The following SPTB variants were observed in gnomAD, a reference collection of about 807,000 sequenced individuals.
SPTB encodes spectrin beta chain, erythrocytic.
In SPTB, 45 loss-of-function variants were observed where a neutral mutation model predicts 256.2. The ratio of observed to expected loss-of-function variants is 0.18; its 90% CI spans 0.14 to 0.23. The LOEUF (loss-of-function observed/expected upper bound fraction) is 0.23, where lower values mean the gene tolerates loss of function less well. SPTB is among the 10% of genes least tolerant of loss of function. The probability of loss-of-function intolerance (pLI) is 1.00; values close to 1 mark genes in which losing one functional copy is unlikely to be tolerated. For missense variants in SPTB, 2,715 were observed against 3,040.4 expected (o/e 0.89, Z 2.52); for synonymous variants, 1,231 against 1,243.1 (o/e 0.99, Z 0.21).
chr14:64,755,830 A>G (rs1682025111), intron 32 of SPTB: 1 of 152,184 alleles, frequency 6.6e-6, no homozygotes, highest in South Asian at 2.1e-4. Context: ...CATGCTAAGG[A>G]GGGAAAGAAA....
intron 20 of SPTB, among the ~76,000 whole-genome samples, chr14:64,781,750 A>G (rs1280265478): frequency 6.6e-6 from 1 of 152,260 alleles, no homozygotes; most frequent in Admixed American, 6.5e-5. Flanking sequence ...TCTACCATAA[A>G]TACACATGTA....
chr14:64,844,552 A>G lies in SPTB; in HGVS notation c.-51-21407T>C, dbSNP rs2139760648. Among the ~76,000 whole-genome samples, 1 of 152,334 alleles carries G rather than the reference A, an allele frequency of 6.6e-6. No homozygotes were observed. Among genetic ancestry groups the G allele is most frequent in the African/African-American group, 2.4e-5 (1 of 41,574 alleles). Reference sequence around the variant, plus strand: ...TTAAGCTACTTGCCCAAAGTCACACAACTGTGAGAAGCCTGATGCCGGTCT... The same window carrying G: ...TTAAGCTACTTGCCCAAAGTCACACGACTGTGAGAAGCCTGATGCCGGTCT... On this transcript the variant is annotated intron_variant, in intron 1 of 35. Transcript: ENST00000644917. The surrounding 1 kb of genome is among the most constrained non-coding windows in gnomAD (Gnocchi z 4.1).
intron 1 of SPTB, among the ~76,000 whole-genome samples, chr14:64,851,037 T>C (rs999257597): frequency 3.3e-5 from 5 of 152,220 alleles, no homozygotes; most frequent in African/African-American, 7.2e-5. Context: ...GCCCAGATTA[T>C]ACAGAAATGT....
chr14:64,786,965 C>T lies in SPTB; in HGVS notation c.3000G>A (p.Leu1000=), dbSNP rs2082582203. Residue 1000 remains leucine (L), a synonymous_variant, in exon 16 of 36, where the codon CTG becomes CTA. Coordinates refer to ENST00000644917, the MANE Select transcript of SPTB (RefSeq NM_001355436.2). This position sits in a 1 kb window ranked among gnomAD's most constrained non-coding sequence, Gnocchi z 5.6. Reference sequence around the variant, plus strand: ...CCTGGATGGCGGCCACGTCACGCTCCAGCCCTGACAACTTCCTCTGGATGG... The same window carrying T: ...CCTGGATGGCGGCCACGTCACGCTCTAGCCCTGACAACTTCCTCTGGATGG... The part of the protein sequence containing the change: ...IIAIQRKLSG[L]ERDVAAIQAR... 1 of 1,613,948 alleles carries T rather than the reference C, an allele frequency of 6.2e-7. No individual in the cohort carries two copies. The highest frequency in any genetic ancestry group is 1.3e-5 in the African/African-American group (1 of 74,930).
Position 64,834,323 on chromosome 14 carries a change from C to T in SPTB, c.-51-11178G>A, listed in dbSNP as rs190252845. ...ATTACAGTTGTGAGCCACCGTGCCA[C>T]GCTCAACCACACATTGTTAACCACC... On this transcript the variant is annotated intron_variant, in intron 1 of 35. Coordinates refer to ENST00000644917, the MANE Select transcript of SPTB (RefSeq NM_001355436.2). Among the ~76,000 whole-genome samples, 240 of 151,018 alleles carry T rather than the reference C, an allele frequency of 1.6e-3. 2 individuals carry two copies. The highest frequency in any genetic ancestry group is 2.6e-3 in the Non-Finnish European group (178 of 67,670).
chr14:64,825,598 C>A lies in SPTB; in HGVS notation c.-51-2453G>T, dbSNP rs12587480. Reference sequence around the variant, plus strand: ...CCCTGAGAAGGGCTGAGCTGCCAGACGCAGGAGGTGAGGTGAGATCAGACC... The same window carrying A: ...CCCTGAGAAGGGCTGAGCTGCCAGAAGCAGGAGGTGAGGTGAGATCAGACC... On this transcript the variant is annotated intron_variant, in intron 1 of 35. Coordinates refer to ENST00000644917, the MANE Select transcript of SPTB (RefSeq NM_001355436.2). This position sits in a 1 kb window ranked among gnomAD's most constrained non-coding sequence, Gnocchi z 4.8. 2.0e-5 allele frequency among the ~76,000 whole-genome samples: 3 copies of A among 152,116 alleles called. No homozygotes were observed. Among genetic ancestry groups the A allele is most frequent in the Non-Finnish European group, 4.4e-5 (3 of 68,018 alleles).
chr14:64,785,865 A>G lies in SPTB; in HGVS notation c.3648T>C (p.Ser1216=). The change falls in exon 17 of 36, where the codon TCT becomes TCC. Residue 1216 remains serine, a synonymous_variant. Transcript: ENST00000644917. The surrounding 1 kb of genome is among the most constrained non-coding windows in gnomAD (Gnocchi z 4.4). ...GIRKFEDFLG[S]MENNRDKVLS... ...AGACCTTATCCCGGTTGTTCTCCAT[A>G]GACCCCAAGAAATCCTCAAACTTCC... is the stretch of plus-strand genomic sequence containing the variant. 1.2e-6 allele frequency: 2 copies of G among 1,614,122 alleles called. No individual in the cohort carries two copies. The highest frequency in any genetic ancestry group is 1.7e-6 in the Non-Finnish European group (2 of 1,180,014).
At chr14:64,801,949 C>T (rs2082894300) in intron 5 of SPTB, 115 bp from the exon 6 acceptor site, 1 of 1,109,066 alleles carries the variant, frequency 9.0e-7, no homozygotes, top group East Asian at 2.4e-5. Flanking sequence ...TTTCTTGAGC[C>T]AGGTCACCAA....
At chr14:64,803,811 G>A (rs1360451962) in intron 3 of SPTB, 31 bp from the exon 4 acceptor site, 28 of 1,580,228 alleles carry the variant, frequency 1.8e-5, no homozygotes, top group Non-Finnish European at 2.3e-5. Flanking sequence ...CCGTGGGCAT[G>A]GAGGGACTGC....
In SPTB at chr14:64,834,450, C is replaced by T. The variant is rs565575399; in HGVS notation, c.-51-11305G>A. Among the ~76,000 whole-genome samples the T allele has an allele frequency of 4.7e-3, 682 of 145,946 alleles. 5 individuals are homozygous for T. Among genetic ancestry groups the T allele is most frequent in the Non-Finnish European group, 4.5e-3 (295 of 66,172 alleles). The stretch of plus-strand genomic sequence containing the variant: ...AATCTTTTTTTTTTTTTTTAGACAT[C>T]GTTTCAATCCTGTTGTCCGGGCTGG... On this transcript the variant is annotated intron_variant, in intron 1 of 35. Transcript: ENST00000644917.
At chr14:64,875,564 A>T (rs72625644) in intron 1 of SPTB, among the ~76,000 whole-genome samples, 8,197 of 152,310 alleles carry the variant, frequency 0.054, 288 homozygotes, top group East Asian at 0.086. Flanking sequence ...AGAAGGAAGC[A>T]TCTCTGTGAT....
chr14:64,845,013 C>T lies in SPTB; in HGVS notation c.-51-21868G>A, dbSNP rs2083666288. ...CTTGCTCTCACTGCATACAATACTT[C>T]CTTGTTAAAGAGAGAGATGGACATG... On this transcript the variant is annotated intron_variant, in intron 1 of 35. Transcript: ENST00000644917. The surrounding 1 kb of genome is among the most constrained non-coding windows in gnomAD (Gnocchi z 4.8). Among the ~76,000 whole-genome samples, 1 of 152,198 alleles carries T rather than the reference C, an allele frequency of 6.6e-6. No individual in the cohort carries two copies. Among genetic ancestry groups the T allele is most frequent in the Non-Finnish European group, 1.5e-5 (1 of 68,032 alleles).
intron 1 of SPTB, among the ~76,000 whole-genome samples, chr14:64,837,249 T>A (rs1261089285): frequency 6.6e-6 from 1 of 152,196 alleles, no homozygotes; most frequent in Non-Finnish European, 1.5e-5. Flanking sequence ...ATTTGATAAA[T>A]TTTCCAACCC....
At chr14:64,791,206 C>A (rs1222185982) in intron 15 of SPTB, among the ~76,000 whole-genome samples, 1 of 152,142 alleles carries the variant, frequency 6.6e-6, no homozygotes, top group African/African-American at 2.4e-5. Context: ...GGCTGTTCAC[C>A]ACCTCAATCA....
chr14:64,786,940 C>T lies in SPTB; in HGVS notation c.3025G>A (p.Ala1009Thr). The change falls in exon 16 of 36, where the codon GCC becomes ACC. Residue 1009 changes from alanine (A) to threonine (T), a missense_variant. Physicochemically the swap from Ala to Thr is moderately conservative, Grantham distance 58. Around this residue, in one of 4 missense-constraint regions of SPTB, gnomAD observed 2,239 missense variants for 2,384.4 expected, o/e 0.94. Coordinates refer to ENST00000644917, the MANE Select transcript of SPTB (RefSeq NM_001355436.2). This position sits in a 1 kb window ranked among gnomAD's most constrained non-coding sequence, Gnocchi z 5.6. ...TCACGCTCCAGGGCATCCACACGGG[C>T]CTGGATGGCGGCCACGTCACGCTCC... Reference protein sequence around the residue: ...GLERDVAAIQARVDALERESQ... With the variant: ...GLERDVAAIQTRVDALERESQ... The T allele has an allele frequency of 1.2e-6, 2 of 1,613,772 alleles. No individual in the cohort carries two copies. Among genetic ancestry groups the T allele is most frequent in the African/African-American group, 1.3e-5 (1 of 75,046 alleles).
intron 2 of SPTB, among the ~76,000 whole-genome samples, chr14:64,808,891 G>A (rs2083036357): frequency 6.6e-6 from 1 of 152,002 alleles, no homozygotes; most frequent in East Asian, 1.9e-4. Flanking sequence ...GGGGCACCTG[G>A]TGAAGAAAGC....
At chr14:64,757,892 C>T (rs999146849) in intron 32 of SPTB, among the ~76,000 whole-genome samples, 9 of 152,302 alleles carry the variant, frequency 5.9e-5, no homozygotes, top group Middle Eastern at 3.4e-3. Flanking sequence ...CTGGCCCCTT[C>T]CCTCAGCCCT....
At chr14:64,751,200 A>G (rs1342796890) in intron 33 of SPTB, among the ~76,000 whole-genome samples, 1 of 151,190 alleles carries the variant, frequency 6.6e-6, no homozygotes, top group Non-Finnish European at 1.5e-5. Context: ...GCTCACTGCA[A>G]CCTCCGCCTC....
At chr14:64,770,362 C>T (rs150697659) in intron 27 of SPTB, among the ~76,000 whole-genome samples, 26 of 152,264 alleles carry the variant, frequency 1.7e-4, no homozygotes, top group African/African-American at 6.0e-4. Flanking sequence ...GGACAGACAC[C>T]TTAGGGGCAA....
Sources: allele counts gnomAD v4.1 joint callset (sites outside exome capture counted in the v4.1 genomes callset), GRCh38; gene constraint gnomAD v4.1.1; regional missense constraint gnomAD v4.1.1; non-coding constraint Gnocchi (gnomAD v3.1); transcripts MANE v1.5; gene names NCBI Gene and HGNC (gene_info 2026-07-23, HGNC 2026-07-21).